The following ADNP2 variants were observed in gnomAD, a reference collection of about 807,000 sequenced individuals.
The protein encoded by ADNP2 is ADNP homeobox 2.
In ADNP2, 8 loss-of-function variants were observed where a neutral mutation model predicts 16.4. That is an observed-to-expected ratio of 0.49 (90% CI 0.29 to 0.88). The LOEUF (loss-of-function observed/expected upper bound fraction) is 0.88, where lower values mean the gene tolerates loss of function less well. Among genes scored for constraint, ADNP2 ranks in the 40% least tolerant of loss-of-function variants. ADNP2 has a pLI of 0.09. For missense variants in ADNP2, 1,397 were observed against 1,395.1 expected (o/e 1.00, Z -0.02); for synonymous variants, 637 against 545.8 (o/e 1.17, Z -2.33).
intron 2 of ADNP2, among the ~76,000 whole-genome samples, chr18:80,128,869 A>T (rs569478217): frequency 2.7e-4 from 41 of 152,256 alleles, no homozygotes; most frequent in African/African-American, 9.6e-4. Flanking sequence ...TTCTAATTAG[A>T]AAATGAAATT....
At chr18:80,119,343 C>T (rs745661307) in intron 2 of ADNP2, among the ~76,000 whole-genome samples, 8 of 147,628 alleles carry the variant, frequency 5.4e-5, no homozygotes, top group African/African-American at 7.5e-5. Flanking sequence ...ACCCAGGAGG[C>T]GGAGCTTGCA....
chr18:80,111,728 A>G (rs899482258), intron 1 of ADNP2, among the ~76,000 whole-genome samples: 30 of 152,092 alleles, frequency 2.0e-4, no homozygotes, highest in African/African-American at 6.5e-4. Context: ...AATTTTTAGT[A>G]GAGACAGGGT....
At position 80,138,944 on chromosome 18, in the gene ADNP2, G is replaced by A; in HGVS notation, c.*135G>A. On this transcript the variant is annotated 3_prime_UTR_variant, in exon 4 of 4. Transcript: ENST00000262198. ...TGTGCTGCTCTGCAGAGTTACTTCA[G>A]GTGCTGGAGAGACCCCTGTTACCAG... 1 of 773,648 alleles carries A rather than the reference G, an allele frequency of 1.3e-6. No individual in the cohort carries two copies. The highest frequency in any genetic ancestry group is 1.9e-6 in the Non-Finnish European group (1 of 536,390). 47.9% of individuals were successfully genotyped at this position (773,648 alleles called of 1,614,324 possible).
chr18:80,130,833 C>T (rs2052491654), intron 2 of ADNP2, among the ~76,000 whole-genome samples: 2 of 151,016 alleles, frequency 1.3e-5, no homozygotes, highest in Non-Finnish European at 3.0e-5. Context: ...TAGCACCTAC[C>T]ACCCATGAAA....
chr18:80,138,556 G>A lies in ADNP2; in HGVS notation c.3143G>A (p.Gly1048Asp), dbSNP rs781464886. The change falls in exon 4 of 4, where the codon GGC becomes GAC. Residue 1048 changes from glycine (G) to aspartate (D), a missense_variant. Gly to Asp is a moderately conservative substitution (Grantham distance 94, BLOSUM62 -1). Transcript: ENST00000262198. ...GCATTAGATCCTAAAAAATATGAAG[G>A]CCGTTCTTATGAAGAAAAGAAGCAA... ...ILALDPKKYE[G>D]RSYEEKKQFL... is the part of the protein sequence containing the mutation. 6.2e-7 allele frequency: 1 copy of A among 1,611,756 alleles called. No individual in the cohort carries two copies. The highest frequency in any genetic ancestry group is 2.2e-5 in the East Asian group (1 of 44,888).
Position 80,133,170 on chromosome 18 carries a change from G to C in ADNP2, c.176G>C (p.Trp59Ser), listed in dbSNP as rs2052509679. The C allele has an allele frequency of 2.5e-6, 4 of 1,613,332 alleles. No individual in the cohort carries two copies. The highest frequency in any genetic ancestry group is 3.4e-6 in the Non-Finnish European group (4 of 1,179,486). ...ACATCATGGGGTGATGTTTCTCTCT[G>C]GGAACCTTCTGGAAAGAAAGTGGTA... is the stretch of plus-strand genomic sequence containing the variant. The part of the protein sequence containing the change: ...HNTSWGDVSL[W>S]EPSGKKVRYR... Residue 59 changes from tryptophan (W) to serine (S), a missense_variant, in exon 3 of 4, where the codon TGG becomes TCG. This residue lies in a region of ADNP2 where 777 missense variants were observed against 719.4 expected (regional missense o/e 1.08). Transcript: ENST00000262198.
At chr18:80,116,239 A>G (rs1011466243) in intron 1 of ADNP2, among the ~76,000 whole-genome samples, 7 of 152,188 alleles carry the variant, frequency 4.6e-5, no homozygotes, top group Non-Finnish European at 8.8e-5. Context: ...TTGTATGGAT[A>G]TGTCATATTT....
At chr18:80,118,445 G>C (rs1275276203) in intron 2 of ADNP2, among the ~76,000 whole-genome samples, 1 of 151,064 alleles carries the variant, frequency 6.6e-6, no homozygotes, top group African/African-American at 2.4e-5. Context: ...AAAAAAAAAA[G>C]TTCTTATATA....
intron 1 of ADNP2, among the ~76,000 whole-genome samples, chr18:80,110,366 G>A (rs2052350032): frequency 6.6e-6 from 1 of 152,176 alleles, no homozygotes. Context: ...TACTCTATTT[G>A]CACGGGTAAT....
At chr18:80,127,203 C>T (rs561395376) in intron 2 of ADNP2, among the ~76,000 whole-genome samples, 3 of 152,222 alleles carry the variant, frequency 2.0e-5, no homozygotes, top group East Asian at 3.9e-4. Context: ...GTATATGTAG[C>T]GTTTGGCACT....
chr18:80,137,304 C>A lies in ADNP2; in HGVS notation c.1891C>A (p.Leu631Ile), dbSNP rs776698719. Residue 631 changes from leucine to isoleucine, a missense_variant, in exon 4 of 4, where the codon CTT becomes ATT. Physicochemically the swap from Leu to Ile is conservative, Grantham distance 5. This residue lies in a region of ADNP2 where 611 missense variants were observed against 648.7 expected (regional missense o/e 0.94). Transcript: ENST00000262198. The surrounding 1 kb of genome is among the most constrained non-coding windows in gnomAD (Gnocchi z 4.2). The part of the protein sequence containing the change: ...SVTLPVPPGG[L>I]ATVAPPQMPI... ...CACTCTGCCGGTTCCCCCTGGAGGC[C>A]TTGCGACTGTCGCTCCGCCCCAGAT... 5 of 1,613,998 alleles carry A rather than the reference C, an allele frequency of 3.1e-6. No homozygotes were observed. Among genetic ancestry groups the A allele is most frequent in the Non-Finnish European group, 4.2e-6 (5 of 1,179,928 alleles).
chr18:80,134,943 A>C (rs747389691), intron 3 of ADNP2, among the ~76,000 whole-genome samples: 2 of 152,228 alleles, frequency 1.3e-5, no homozygotes, highest in Non-Finnish European at 2.9e-5. Context: ...GATGGGTTTA[A>C]CATTTTGAAA....
chr18:80,117,673 C>T, intron 2 of ADNP2, 23 bp downstream of exon 2: 2 of 1,557,888 alleles, frequency 1.3e-6, no homozygotes, highest in Non-Finnish European at 1.7e-6. Context: ...AAGTAGCCAA[C>T]TGGAATCTGG....
At chr18:80,115,909 G>A (rs939616919) in intron 1 of ADNP2, among the ~76,000 whole-genome samples, 7 of 152,114 alleles carry the variant, frequency 4.6e-5, no homozygotes, top group East Asian at 1.9e-4. Flanking sequence ...CCGAGTAGCC[G>A]AGATTACAGG....
intron 2 of ADNP2, among the ~76,000 whole-genome samples, chr18:80,121,019 A>G (rs1248180801): frequency 6.6e-6 from 1 of 152,206 alleles, no homozygotes; most frequent in Non-Finnish European, 1.5e-5. Flanking sequence ...TTTTTGGGTC[A>G]TATAGTTATT....
intron 2 of ADNP2, among the ~76,000 whole-genome samples, chr18:80,128,073 A>G (rs1055449322): frequency 6.6e-6 from 1 of 152,228 alleles, no homozygotes; most frequent in Non-Finnish European, 1.5e-5. Context: ...CTTGCTTTCT[A>G]TCAGGTGATA....
intron 2 of ADNP2, 96 bp from the exon 3 acceptor site, chr18:80,133,007 C>T: frequency 2.3e-6 from 2 of 884,312 alleles, no homozygotes; most frequent in Non-Finnish European, 3.6e-6. Flanking sequence ...AAGCATGAAC[C>T]ACTATGCCCG....
chr18:80,110,698 G>A (rs2052351936), intron 1 of ADNP2, among the ~76,000 whole-genome samples: 1 of 152,214 alleles, frequency 6.6e-6, no homozygotes, highest in African/African-American at 2.4e-5. Context: ...GGCCATGTAT[G>A]AGTGTGTATT....
rs1206903595 is a variant in ADNP2 at position 80,137,683 on chromosome 18, C to T, written c.2270C>T (p.Ser757Phe). Residue 757 changes from serine to phenylalanine, a missense_variant, in exon 4 of 4, where the codon TCT (serine) becomes TTT (phenylalanine). This residue lies in a region of ADNP2 where 611 missense variants were observed against 648.7 expected (regional missense o/e 0.94). Coordinates refer to ENST00000262198, the MANE Select transcript of ADNP2 (RefSeq NM_014913.4). The surrounding 1 kb of genome is among the most constrained non-coding windows in gnomAD (Gnocchi z 4.2). ...VRCLSCKCLV[S>F]EEELIHHLLM... Reference sequence around the variant, plus strand: ...TGTCTGTCTTGTAAGTGCTTGGTCTCTGAGGAAGAGCTTATACACCACTTG... The same window carrying T: ...TGTCTGTCTTGTAAGTGCTTGGTCTTTGAGGAAGAGCTTATACACCACTTG... 6.2e-7 allele frequency: 1 copy of T among 1,614,194 alleles called. No individual in the cohort carries two copies. The highest frequency in any genetic ancestry group is 8.5e-7 in the Non-Finnish European group (1 of 1,180,032).
Sources: allele counts gnomAD v4.1 joint callset (sites outside exome capture counted in the v4.1 genomes callset), GRCh38; gene constraint gnomAD v4.1.1; regional missense constraint gnomAD v4.1.1; non-coding constraint Gnocchi (gnomAD v3.1); transcripts MANE v1.5; gene names NCBI Gene and HGNC (gene_info 2026-07-23, HGNC 2026-07-21).